GRIA4: variants seen among roughly 807,000 people sequenced by gnomAD.
The protein encoded by GRIA4 is glutamate ionotropic receptor AMPA type subunit 4, also known as glutamate receptor 4.
GRIA4 carries 34 observed loss-of-function variants against 104.0 expected under a neutral mutation model. That is an observed-to-expected ratio of 0.33 (90% CI 0.25 to 0.44). The LOEUF (loss-of-function observed/expected upper bound fraction) is 0.44. Ranked by LOEUF, GRIA4 falls within the 20% of genes least tolerant of loss-of-function variation. GRIA4 has a pLI of 1.00. For missense variants in GRIA4, 750 were observed against 1,096.5 expected, an observed-to-expected ratio of 0.68 and a Z score of 4.46; for synonymous variants, 386 against 381.9, an observed-to-expected ratio of 1.01 and a Z score of -0.13.
intron 4 of GRIA4, among the ~76,000 whole-genome samples, chr11:105,837,363 A>T: frequency 6.6e-6 from 1 of 152,178 alleles, no homozygotes; most frequent in Admixed American, 6.5e-5. Flanking sequence ...TCTTAGAACC[A>T]CTATGAGTCT....
At chr11:105,720,684 G>A (rs1177352323) in intron 3 of GRIA4, among the ~76,000 whole-genome samples, 5 of 152,164 alleles carry the variant, frequency 3.3e-5, no homozygotes, top group African/African-American at 7.2e-5. Context: ...ATTAATACAC[G>A]TCTTGCTTCC....
At chr11:105,875,242 C>T (rs900974414) in intron 5 of GRIA4, among the ~76,000 whole-genome samples, 1 of 152,152 alleles carries the variant, frequency 6.6e-6, no homozygotes, top group Non-Finnish European at 1.5e-5. Context: ...GTTGAACCAG[C>T]CTCACATCTC....
At chr11:105,735,763 T>C (rs776656871) in intron 3 of GRIA4, among the ~76,000 whole-genome samples, 4 of 152,172 alleles carry the variant, frequency 2.6e-5, no homozygotes, top group Non-Finnish European at 5.9e-5. Context: ...AAGTCTCATA[T>C]AGGCATAAAA....
chr11:105,771,547 A>C (rs764436395), intron 4 of GRIA4, among the ~76,000 whole-genome samples: 2 of 152,104 alleles, frequency 1.3e-5, no homozygotes, highest in Non-Finnish European at 2.9e-5. Context: ...TTCTCTAAGA[A>C]GGTATAAGGG....
intron 3 of GRIA4, among the ~76,000 whole-genome samples, chr11:105,647,593 C>T (rs1254047626): frequency 1.3e-5 from 2 of 152,152 alleles, no homozygotes; most frequent in East Asian, 1.9e-4. Context: ...TGCACATACA[C>T]CATGGAAAAC....
chr11:105,867,577 C>T (rs958330711), intron 5 of GRIA4, among the ~76,000 whole-genome samples: 1 of 152,188 alleles, frequency 6.6e-6, no homozygotes, highest in African/African-American at 2.4e-5. Context: ...AAGGCTTAAA[C>T]AGCCTGCCTC....
At chr11:105,781,546 T>G (rs1941727306) in intron 4 of GRIA4, among the ~76,000 whole-genome samples, 1 of 152,168 alleles carries the variant, frequency 6.6e-6, no homozygotes, top group Non-Finnish European at 1.5e-5. Context: ...TACATTTTAT[T>G]TTATATTTTG....
At chr11:105,829,126 A>C (rs1026439471) in intron 4 of GRIA4, among the ~76,000 whole-genome samples, 46 of 107,130 alleles carry the variant, frequency 4.3e-4, no homozygotes, top group African/African-American at 1.7e-3. Flanking sequence ...GATAATCTCT[A>C]ATTCTCAGCA....
intron 4 of GRIA4, among the ~76,000 whole-genome samples, chr11:105,850,754 C>G (rs985315837): frequency 9.9e-5 from 15 of 152,078 alleles, no homozygotes; most frequent in African/African-American, 3.6e-4. Flanking sequence ...TCCCTGTGAA[C>G]TTAGAGTGAA....
chr11:105,831,651 G>A (rs903863508), intron 4 of GRIA4, among the ~76,000 whole-genome samples: 3 of 151,994 alleles, frequency 2.0e-5, no homozygotes, highest in Non-Finnish European at 2.9e-5. Flanking sequence ...ATAAAGTGTC[G>A]TGGGTATTAA....
chr11:105,809,131 CTT>C (rs1943069449), intron 4 of GRIA4, among the ~76,000 whole-genome samples: 1 of 152,016 alleles, frequency 6.6e-6, no homozygotes, highest in African/African-American at 2.4e-5. Context: ...TCTGTACTGT[CTT>C]TGCAATTTTA....
chr11:105,965,943 C>T, intron 14 of GRIA4: 1 of 1,576,830 alleles, frequency 6.3e-7, no homozygotes, highest in Non-Finnish European at 8.7e-7. Context: ...TTTATCGTTT[C>T]AAGAAATGCT....
intron 3 of GRIA4, among the ~76,000 whole-genome samples, chr11:105,720,118 AT>A (rs879725172): frequency 1.7e-3 from 251 of 144,058 alleles, no homozygotes; most frequent in Middle Eastern, 3.6e-3. Context: ...CTAAACCAGT[AT>A]TTTTTTTTTT....
intron 6 of GRIA4, among the ~76,000 whole-genome samples, chr11:105,889,349 T>A (rs913872515): frequency 6.6e-6 from 1 of 152,172 alleles, no homozygotes; most frequent in African/African-American, 2.4e-5. Context: ...ATCAGCAAGT[T>A]TTATTATATG....
chr11:105,742,364 G>A (rs962870807), intron 3 of GRIA4, among the ~76,000 whole-genome samples: 18 of 151,884 alleles, frequency 1.2e-4, no homozygotes, highest in African/African-American at 4.4e-4. Flanking sequence ...TCCCACCCAC[G>A]CACCTGCACA....
intron 14 of GRIA4, among the ~76,000 whole-genome samples, chr11:105,971,162 A>C (rs1349684903): frequency 6.6e-6 from 1 of 152,168 alleles, no homozygotes; most frequent in Admixed American, 6.5e-5. Context: ...AAGTACATTA[A>C]TATGCTTTAA....
chr11:105,653,256 G>A (rs758428622), intron 3 of GRIA4, among the ~76,000 whole-genome samples: 5 of 152,044 alleles, frequency 3.3e-5, no homozygotes, highest in Non-Finnish European at 7.4e-5. Context: ...TTTATCTGAC[G>A]GTAGCACACT....
intron 16 of GRIA4, among the ~76,000 whole-genome samples, chr11:105,978,145 A>G (rs924589783): frequency 1.3e-5 from 2 of 152,078 alleles, no homozygotes; most frequent in African/African-American, 4.8e-5. Flanking sequence ...CATTTACAAG[A>G]AAGATAAAAA....
intron 4 of GRIA4, among the ~76,000 whole-genome samples, chr11:105,768,190 T>C (rs1462058478): frequency 2.6e-5 from 4 of 152,102 alleles, no homozygotes; most frequent in African/African-American, 9.7e-5. Context: ...GCAAGCATAG[T>C]AGGGACTGCC....
Sources: gnomAD v4.1 joint callset for allele counts (sites outside exome capture counted in the v4.1 genomes callset) on GRCh38, gnomAD v4.1.1 for gene constraint, MANE v1.5 for transcripts, NCBI Gene and HGNC (gene_info 2026-07-23, HGNC 2026-07-21) for gene names.